PCDH17: variants seen among roughly 807,000 people sequenced by gnomAD.
The protein encoded by PCDH17 is protocadherin 17, also known as protocadherin-17.
PCDH17 carries 21 observed loss-of-function variants against 67.7 expected under a neutral mutation model. The observed-to-expected ratio is 0.31, with a 90% CI of 0.22 to 0.45. PCDH17 has a LOEUF of 0.45. Ranked by LOEUF, PCDH17 falls within the 20% of genes least tolerant of loss-of-function variation. The pLI is 1.00. For synonymous variants in PCDH17, 701 were observed against 656.7 expected (o/e 1.07, Z -1.03); for missense variants, 1,471 against 1,564.8 (o/e 0.94, Z 1.01).
At position 57,647,165 on chromosome 13, in the gene PCDH17, C is replaced by T. The variant is rs1954974990; in HGVS notation, c.2565+12054C>T. ...TAAAAATCTTAACGTTTCATAAATACACCAGTTGGCAAGTACTTTTTAGTC... is the reference window on the plus strand; with the variant it reads ...TAAAAATCTTAACGTTTCATAAATATACCAGTTGGCAAGTACTTTTTAGTC... On this transcript the variant is annotated intron_variant, in intron 1 of 3. Coordinates refer to ENST00000377918, the MANE Select transcript of PCDH17 (RefSeq NM_001040429.3). Among the ~76,000 whole-genome samples, 4 of 151,918 alleles carry T rather than the reference C, an allele frequency of 2.6e-5. No individual in the cohort carries two copies. The South Asian group carries it at 8.3e-4, about 31-fold the overall frequency.
In PCDH17 at chr13:57,633,181, T is replaced by C. The variant is rs1954754042; in HGVS notation, c.635T>C (p.Val212Ala). The change falls in exon 1 of 4, where the codon GTG becomes GCG. Residue 212 changes from valine to alanine, a missense_variant. Transcript: ENST00000377918. The surrounding 1 kb of genome is among the most constrained non-coding windows in gnomAD (Gnocchi z 6.2). ...GAGCAACAGAATCACCATACGCTCG[T>C]GCTGACTGCCCTGGACGGTGGCGAG... ...DREQQNHHTL[V>A]LTALDGGEPP... 1 of 1,613,146 alleles carries C rather than the reference T, an allele frequency of 6.2e-7. No homozygotes were observed. Among genetic ancestry groups the C allele is most frequent in the Non-Finnish European group, 8.5e-7 (1 of 1,179,960 alleles).
At chr13:57,630,976 C>T (rs1954711725), upstream of PCDH17, among the ~76,000 whole-genome samples, 1 of 152,122 alleles carries the variant, frequency 6.6e-6, no homozygotes, top group African/African-American at 2.4e-5. Context: ...AGGGAGCTCC[C>T]CGGGGTAGGA....
chr13:57,652,997 C>T (rs1955060254), intron 1 of PCDH17, among the ~76,000 whole-genome samples: 1 of 152,132 alleles, frequency 6.6e-6, no homozygotes, highest in Admixed American at 6.6e-5. Flanking sequence ...CTATGTATAA[C>T]ACATTGCCAC....
At chr13:57,655,065 T>C (rs1191210227) in intron 1 of PCDH17, among the ~76,000 whole-genome samples, 2 of 151,938 alleles carry the variant, frequency 1.3e-5, no homozygotes, top group Non-Finnish European at 2.9e-5. Context: ...TGACTTGTTG[T>C]TTATAGTCAT....
At chr13:57,630,182 G>C (rs767056575), upstream of PCDH17, among the ~76,000 whole-genome samples, 25 of 152,308 alleles carry the variant, frequency 1.6e-4, no homozygotes, top group Non-Finnish European at 2.8e-4. Context: ...AGGCGGCTGG[G>C]GAGACGCTAC....
Position 57,727,162 on chromosome 13 carries a change from T to A in PCDH17, c.*1868T>A, listed in dbSNP as rs1955921526. On this transcript the variant is annotated 3_prime_UTR_variant, in exon 4 of 4. Coordinates refer to ENST00000377918, the MANE Select transcript of PCDH17 (RefSeq NM_001040429.3). Reference sequence around the variant, plus strand: ...GGAAAATGCCTTGATTGACATTTTCTTTCAGCATTTAAAATTTTTGGCATT... The same window carrying A: ...GGAAAATGCCTTGATTGACATTTTCATTCAGCATTTAAAATTTTTGGCATT... 6.6e-6 allele frequency: 1 copy of A among 152,612 alleles called. No homozygotes were observed. The highest frequency in any genetic ancestry group is 1.5e-5 in the Non-Finnish European group (1 of 68,018). 9.5% of individuals were successfully genotyped at this position (152,612 alleles called of 1,614,324 possible). A position where few individuals can be genotyped will look rare whatever the true frequency, so the allele number is the denominator to read the frequency against.
intron 3 of PCDH17, among the ~76,000 whole-genome samples, chr13:57,688,238 G>C (rs1286957541): frequency 1.3e-5 from 2 of 151,880 alleles, no homozygotes; most frequent in South Asian, 2.1e-4. Flanking sequence ...GTTGAGCTCA[G>C]GAGTACTAGG....
At chr13:57,711,591 C>T (rs1955776705) in intron 3 of PCDH17, among the ~76,000 whole-genome samples, 1 of 151,710 alleles carries the variant, frequency 6.6e-6, no homozygotes, top group African/African-American at 2.4e-5. Flanking sequence ...TACATTTTCT[C>T]AAAGTGTCAA....
At chr13:57,679,483 T>C (rs867432025) in intron 3 of PCDH17, among the ~76,000 whole-genome samples, 4 of 151,376 alleles carry the variant, frequency 2.6e-5, no homozygotes, top group Non-Finnish European at 5.9e-5. Flanking sequence ...AATCACAGCA[T>C]AGGATCATTT....
rs1593884094 is a variant in PCDH17, at chr13:57,631,798, T to C, written c.-749T>C. ...GAAAGGAGAGAGAGGAAAAAAAAAA[T>C]ACGCTTGGCTGGTAGATGCAGTCCG... On this transcript the variant is annotated 5_prime_UTR_variant, in exon 1 of 4. Coordinates refer to ENST00000377918, the MANE Select transcript of PCDH17 (RefSeq NM_001040429.3). The C allele has an allele frequency of 6.7e-6, 1 of 148,608 alleles. No homozygotes were observed. Among genetic ancestry groups the C allele is most frequent in the East Asian group, 2.0e-4 (1 of 5,050 alleles). 9.2% of individuals were successfully genotyped at this position (148,608 alleles called of 1,614,324 possible).
chr13:57,630,143 G>A (rs138669728), upstream of PCDH17, among the ~76,000 whole-genome samples: 2 of 152,202 alleles, frequency 1.3e-5, no homozygotes, highest in African/African-American at 4.8e-5. Flanking sequence ...AGCAGGGATC[G>A]CGAGCCCGGC....
intron 1 of PCDH17, among the ~76,000 whole-genome samples, chr13:57,648,471 T>A (rs1954994316): frequency 6.6e-6 from 1 of 151,958 alleles, no homozygotes; most frequent in African/African-American, 2.4e-5. Context: ...AGTTGGACAT[T>A]TGAAGTTAAT....
chr13:57,639,039 G>A (rs1954859223), intron 1 of PCDH17, among the ~76,000 whole-genome samples: 1 of 151,908 alleles, frequency 6.6e-6, no homozygotes, highest in Non-Finnish European at 1.5e-5. Context: ...TTCTAAGACA[G>A]CTCTTTAATT....
chr13:57,671,792 T>A (rs1353748904), intron 3 of PCDH17, among the ~76,000 whole-genome samples: 1 of 152,020 alleles, frequency 6.6e-6, no homozygotes, highest in Non-Finnish European at 1.5e-5. Flanking sequence ...GAAATAGAAT[T>A]GTACAGGAGA....
At chr13:57,711,732 A>G (rs944977314) in intron 3 of PCDH17, among the ~76,000 whole-genome samples, 5 of 151,542 alleles carry the variant, frequency 3.3e-5, no homozygotes, top group Non-Finnish European at 7.4e-5. Flanking sequence ...TTATAAAATT[A>G]CTATAACATA....
chr13:57,682,352 C>A (rs1430475982), intron 3 of PCDH17, among the ~76,000 whole-genome samples: 2 of 151,754 alleles, frequency 1.3e-5, no homozygotes, highest in Non-Finnish European at 2.9e-5. Context: ...ACTCAAAATA[C>A]CCTCTCAGGT....
intron 1 of PCDH17, among the ~76,000 whole-genome samples, chr13:57,651,386 G>A (rs566183114): frequency 2.1e-5 from 3 of 143,504 alleles, no homozygotes; most frequent in East Asian, 4.1e-4. Context: ...TTTTGAGACC[G>A]GGTCTCACTT....
intron 3 of PCDH17, among the ~76,000 whole-genome samples, chr13:57,712,511 A>T (rs1955785596): frequency 6.6e-6 from 1 of 151,740 alleles, no homozygotes; most frequent in Admixed American, 6.6e-5. Flanking sequence ...TTTTTTTAAT[A>T]ATAGAGTTGC....
intron 1 of PCDH17, among the ~76,000 whole-genome samples, chr13:57,641,558 GAAAAAAAAAAAAAAAAA>G (rs71209470): frequency 2.1e-3 from 52 of 24,516 alleles, no homozygotes; most frequent in East Asian, 5.8e-3. Context: ...GTGTTTGAGA[GAAAAAAAAAAAAAAAAA>G]AAAAAAAAAA....
Sources: gnomAD v4.1 joint callset for allele counts (sites outside exome capture counted in the v4.1 genomes callset) on GRCh38, gnomAD v4.1.1 for gene constraint, Gnocchi (gnomAD v3.1) non-coding constraint, MANE v1.5 for transcripts, NCBI Gene and HGNC (gene_info 2026-07-23, HGNC 2026-07-21) for gene names.